Variants in SLC2A13 observed in about 807,000 individuals in gnomAD.
SLC2A13 encodes the protein proton myo-inositol cotransporter.
A neutral mutation model predicts 64.4 loss-of-function variants in SLC2A13; 32 were observed. That is an observed-to-expected ratio of 0.50 (90% confidence interval 0.37 to 0.67). The LOEUF (loss-of-function observed/expected upper bound fraction) is 0.67, where lower values mean the gene tolerates loss of function less well. Among genes scored for constraint, SLC2A13 ranks in the 30% least tolerant of loss-of-function variants. SLC2A13 has a pLI of 0.00. For missense variants in SLC2A13, 743 were observed against 829.2 expected (o/e 0.90, Z 1.28); for synonymous variants, 338 against 327.1 (o/e 1.03, Z -0.36).
chr12:39,896,022 A>ATG (rs1944816900), intron 4 of SLC2A13, among the ~76,000 whole-genome samples: 1 of 143,444 alleles, frequency 7.0e-6, no homozygotes, highest in Non-Finnish European at 1.5e-5. Context: ...GTATATGTAT[A>ATG]CATACATGCA....
chr12:39,987,087 T>G (rs1031812315), intron 3 of SLC2A13, among the ~76,000 whole-genome samples: 1 of 152,162 alleles, frequency 6.6e-6, no homozygotes, highest in Non-Finnish European at 1.5e-5. Flanking sequence ...TTAAGAAAAA[T>G]GGCTTTCCCT....
intron 3 of SLC2A13, among the ~76,000 whole-genome samples, chr12:39,958,543 C>G (rs1241335110): frequency 2.6e-5 from 4 of 152,164 alleles, no homozygotes; most frequent in Non-Finnish European, 5.9e-5. Context: ...TCCAATCCAT[C>G]CCGCCTCCAC....
intron 1 of SLC2A13, among the ~76,000 whole-genome samples, chr12:40,063,479 AG>A (rs1299775423): frequency 3.3e-5 from 5 of 149,762 alleles, no homozygotes; most frequent in Non-Finnish European, 7.5e-5. Flanking sequence ...AAAAAACTGA[AG>A]AAAAAAAAAA....
At chr12:40,076,090 A>G (rs1187295775) in intron 1 of SLC2A13, among the ~76,000 whole-genome samples, 1 of 152,188 alleles carries the variant, frequency 6.6e-6, no homozygotes, top group African/African-American at 2.4e-5. Context: ...GCAACTTGTC[A>G]GATTTCCCTG....
rs569089585 is a variant in SLC2A13 at position 40,028,585 on chromosome 12, G to A, written c.717-76C>T. The stretch of plus-strand genomic sequence containing the variant: ...TGTGCTCACCACATACTTTTGTGTT[G>A]TGTTGACAACAATAATACTTACTGT... On this transcript the variant is annotated intron_variant, in intron 2 of 9. Coordinates refer to ENST00000280871, the MANE Select transcript of SLC2A13 (RefSeq NM_052885.4). 7 of 1,429,514 alleles carry A rather than the reference G, an allele frequency of 4.9e-6. No homozygotes were observed. In the South Asian group the frequency reaches 7.5e-5, roughly 15 times the overall value. The allele number at this position is 1,429,514 out of a possible 1,614,324, so 88.6% of individuals were successfully genotyped here.
At chr12:39,854,244 A>G (rs1943546750) in intron 6 of SLC2A13, among the ~76,000 whole-genome samples, 1 of 152,014 alleles carries the variant, frequency 6.6e-6, no homozygotes, top group Admixed American at 6.6e-5. Flanking sequence ...AAAATTGGAT[A>G]ATAATAATAA....
intron 4 of SLC2A13, among the ~76,000 whole-genome samples, chr12:39,945,451 T>C (rs1305403985): frequency 6.6e-6 from 1 of 152,200 alleles, no homozygotes; most frequent in African/African-American, 2.4e-5. Context: ...AAATATGTTT[T>C]CCAGGCTTTT....
chr12:39,899,581 A>G (rs1945028703), intron 4 of SLC2A13, among the ~76,000 whole-genome samples: 1 of 151,808 alleles, frequency 6.6e-6, no homozygotes, highest in African/African-American at 2.4e-5. Flanking sequence ...TTAGGGTGTC[A>G]ATTTTGGATC....
At chr12:40,066,679 G>A (rs1180764365) in intron 1 of SLC2A13, among the ~76,000 whole-genome samples, 1 of 152,150 alleles carries the variant, frequency 6.6e-6, no homozygotes, top group Admixed American at 6.5e-5. Context: ...TGCATAATGT[G>A]GTAAGTGTAC....
chr12:39,773,300 C>T (rs1323240800), intron 7 of SLC2A13, among the ~76,000 whole-genome samples: 2 of 152,126 alleles, frequency 1.3e-5, no homozygotes, highest in African/African-American at 4.8e-5. Flanking sequence ...CTCATTTTGG[C>T]TGAGTGAGAG....
intron 7 of SLC2A13, among the ~76,000 whole-genome samples, chr12:39,797,745 C>T (rs1000494404): frequency 3.6e-4 from 52 of 144,232 alleles, no homozygotes; most frequent in African/African-American, 1.0e-3. Context: ...CACACACACA[C>T]ACACACACAC....
intron 7 of SLC2A13, among the ~76,000 whole-genome samples, chr12:39,777,786 C>A (rs1940829030): frequency 6.6e-6 from 1 of 152,162 alleles, no homozygotes; most frequent in African/African-American, 2.4e-5. Context: ...CTGGGGCAGT[C>A]GGATGAGAGC....
intron 2 of SLC2A13, among the ~76,000 whole-genome samples, chr12:40,037,863 G>A (rs1357854787): frequency 2.0e-5 from 3 of 152,160 alleles, no homozygotes; most frequent in East Asian, 1.9e-4. Context: ...TCCTCATAAT[G>A]TCCATAGAAT....
chr12:40,049,532 T>C (rs1018222108), intron 1 of SLC2A13, among the ~76,000 whole-genome samples: 1 of 152,094 alleles, frequency 6.6e-6, no homozygotes, highest in Non-Finnish European at 1.5e-5. Flanking sequence ...GTGATTTTTG[T>C]TAGTTGATGG....
chr12:39,782,668 A>T (rs1030673125), intron 7 of SLC2A13, among the ~76,000 whole-genome samples: 2 of 152,218 alleles, frequency 1.3e-5, no homozygotes, highest in Non-Finnish European at 2.9e-5. Flanking sequence ...GGAACTGGGT[A>T]ACAGACAAAG....
At chr12:39,904,254 T>G (rs369216046) in intron 4 of SLC2A13, among the ~76,000 whole-genome samples, 9 of 152,158 alleles carry the variant, frequency 5.9e-5, no homozygotes, top group African/African-American at 2.2e-4. Flanking sequence ...TGGGGGCTAG[T>G]CGTAGAAGCA....
chr12:39,785,404 T>C (rs1020393227), intron 7 of SLC2A13, among the ~76,000 whole-genome samples: 4 of 152,172 alleles, frequency 2.6e-5, no homozygotes, highest in Non-Finnish European at 5.9e-5. Flanking sequence ...AAGTCAAGAA[T>C]TGAGGTTTGG....
intron 7 of SLC2A13, among the ~76,000 whole-genome samples, chr12:39,770,470 C>G (rs1940522019): frequency 6.6e-6 from 1 of 152,156 alleles, no homozygotes; most frequent in Admixed American, 6.6e-5. Context: ...TTTTATGCAT[C>G]AGACATTAGC....
At chr12:39,760,313 A>T (rs1799189315) in intron 9 of SLC2A13, 61 bp from the exon 10 acceptor site, 2 of 1,473,376 alleles carry the variant, frequency 1.4e-6, no homozygotes, top group Non-Finnish European at 1.8e-6. Flanking sequence ...TAAGTTGGAA[A>T]GATTACTTGA....
Sources: gnomAD v4.1 joint callset for allele counts (sites outside exome capture counted in the v4.1 genomes callset) on GRCh38, gnomAD v4.1.1 for gene constraint, MANE v1.5 for transcripts, NCBI Gene and HGNC (gene_info 2026-07-23, HGNC 2026-07-21) for gene names.